TASP1: variants seen among roughly 807,000 people sequenced by gnomAD.
The protein encoded by TASP1 is threonine aspartase 1.
Under a neutral mutation model 56.6 loss-of-function variants are expected in TASP1, and 16 were observed. The ratio of observed to expected loss-of-function variants is 0.28; its 90% CI spans 0.19 to 0.43. The LOEUF is 0.43. TASP1 is among the 20% of genes least tolerant of loss of function. The pLI is 1.00. For synonymous variants in TASP1, 179 were observed against 184.2 expected (o/e 0.97, Z 0.23); for missense variants, 393 against 511.6 (o/e 0.77, Z 2.24).
intron 10 of TASP1, among the ~76,000 whole-genome samples, chr20:13,509,005 T>A (rs866616123): frequency 6.6e-6 from 1 of 152,110 alleles, no homozygotes; most frequent in South Asian, 2.1e-4. Context: ...GCAAAGGAAA[T>A]GAAATCAGTA....
chr20:13,134,804 A>G, the TASP1 span, among the ~76,000 whole-genome samples: 1 of 152,220 alleles, frequency 6.6e-6, no homozygotes, highest in African/African-American at 2.4e-5. Context: ...AGGCAGAAGA[A>G]TAAGAAAAAG....
chr20:13,159,534 T>C, the TASP1 span, among the ~76,000 whole-genome samples: 1 of 152,216 alleles, frequency 6.6e-6, no homozygotes, highest in African/African-American at 2.4e-5. Context: ...ATAGGCTCAT[T>C]GAAATTTCCA....
chr20:13,335,226 G>C, the TASP1 span, among the ~76,000 whole-genome samples: 1 of 152,126 alleles, frequency 6.6e-6, no homozygotes, highest in African/African-American at 2.4e-5. Flanking sequence ...AGCATGACCA[G>C]AGAAGAGCAT....
the TASP1 span, among the ~76,000 whole-genome samples, chr20:13,326,442 T>G: frequency 6.6e-6 from 1 of 152,218 alleles, no homozygotes; most frequent in Non-Finnish European, 1.5e-5. Flanking sequence ...TCAGAGTGGC[T>G]GTACCATTTC....
chr20:13,479,698 T>C (rs1166714089), intron 11 of TASP1, among the ~76,000 whole-genome samples: 2 of 152,166 alleles, frequency 1.3e-5, no homozygotes, highest in African/African-American at 2.4e-5. Flanking sequence ...TTTCACCATG[T>C]TGGCCAGGTT....
At chr20:13,299,534 C>T in the TASP1 span, 22 of 1,339,496 alleles carry the variant, frequency 1.6e-5, no homozygotes, top group East Asian at 4.2e-4. This position sits in a 1 kb window ranked among gnomAD's most constrained non-coding sequence, Gnocchi z 5.8. Flanking sequence ...TGCCGACTGG[C>T]GCCGAGACCT....
At chr20:13,388,179 G>A (rs148474745), downstream of TASP1, among the ~76,000 whole-genome samples, 2 of 152,276 alleles carry the variant, frequency 1.3e-5, no homozygotes, top group East Asian at 3.9e-4. Flanking sequence ...GGTGATATAA[G>A]CCAGATTAGA....
chr20:13,173,950 G>C, the TASP1 span, among the ~76,000 whole-genome samples: 367 of 152,172 alleles, frequency 2.4e-3, 3 homozygotes, highest in East Asian at 0.012. Flanking sequence ...TGCCTTCCTG[G>C]GTTGTGACCT....
chr20:13,433,061 G>A (rs1418615234), intron 12 of TASP1, among the ~76,000 whole-genome samples: 2 of 151,944 alleles, frequency 1.3e-5, no homozygotes, highest in East Asian at 1.9e-4. Context: ...GTGCCATGGA[G>A]GGCTTGCTAC....
chr20:13,456,827 A>G (rs763950432), intron 11 of TASP1, among the ~76,000 whole-genome samples: 1 of 152,158 alleles, frequency 6.6e-6, no homozygotes, highest in Non-Finnish European at 1.5e-5. Flanking sequence ...GCTTGTAATG[A>G]GAAAAGAACT....
chr20:13,322,779 C>T, the TASP1 span, among the ~76,000 whole-genome samples: 1 of 152,134 alleles, frequency 6.6e-6, no homozygotes, highest in Non-Finnish European at 1.5e-5. Flanking sequence ...AGGAAGTCCC[C>T]GAGATCAAAG....
intron 6 of TASP1, among the ~76,000 whole-genome samples, chr20:13,571,255 AGTATT>A (rs2046702833): frequency 6.6e-6 from 1 of 152,222 alleles, no homozygotes. Context: ...AACATAAAAA[AGTATT>A]GTATAGTAGG....
chr20:13,339,692 A>G, the TASP1 span, among the ~76,000 whole-genome samples: 1 of 152,082 alleles, frequency 6.6e-6, no homozygotes, highest in African/African-American at 2.4e-5. Context: ...TCAAGTAGAC[A>G]TGGCCTTTCT....
At chr20:13,237,480 A>T in the TASP1 span, among the ~76,000 whole-genome samples, 1 of 152,218 alleles carries the variant, frequency 6.6e-6, no homozygotes, top group Non-Finnish European at 1.5e-5. Context: ...TACATGCTGG[A>T]TAATTCTGTT....
chr20:13,364,826 T>C, the TASP1 span, among the ~76,000 whole-genome samples: 2 of 152,236 alleles, frequency 1.3e-5, no homozygotes, highest in East Asian at 1.9e-4. Flanking sequence ...GTATTCCTCA[T>C]GTCTTGGCCC....
chr20:13,411,659 A>G (rs1489868589), intron 13 of TASP1, among the ~76,000 whole-genome samples: 1 of 152,180 alleles, frequency 6.6e-6, no homozygotes, highest in Non-Finnish European at 1.5e-5. Context: ...CCCTTAAGCA[A>G]GGTTTGGGAT....
At chr20:13,306,384 A>G in the TASP1 span, among the ~76,000 whole-genome samples, 1 of 152,132 alleles carries the variant, frequency 6.6e-6, no homozygotes, top group Non-Finnish European at 1.5e-5. Flanking sequence ...GTAAAAGGGA[A>G]TGTTAGCAAA....
At chr20:13,499,171 T>G (rs781367804) in intron 10 of TASP1, among the ~76,000 whole-genome samples, 1 of 152,114 alleles carries the variant, frequency 6.6e-6, no homozygotes, top group Non-Finnish European at 1.5e-5. Context: ...AACATAAATG[T>G]AGGTGGAAGT....
At chr20:13,573,188 T>C (rs555571719) in intron 6 of TASP1, among the ~76,000 whole-genome samples, 87 of 152,328 alleles carry the variant, frequency 5.7e-4, no homozygotes, top group African/African-American at 2.0e-3. Flanking sequence ...GGACTCTGTT[T>C]TAATTTTTTT....
Sources: gnomAD v4.1 joint callset for allele counts (sites outside exome capture counted in the v4.1 genomes callset) on GRCh38, gnomAD v4.1.1 for gene constraint, Gnocchi (gnomAD v3.1) non-coding constraint, MANE v1.5 for transcripts, NCBI Gene and HGNC (gene_info 2026-07-23, HGNC 2026-07-21) for gene names.